ST6GALNAC3: variants seen among roughly 807,000 people sequenced by gnomAD.
ST6GALNAC3 encodes the protein ST6 N-acetylgalactosaminide alpha-2,6-sialyltransferase 3.
In ST6GALNAC3, 25 loss-of-function variants were observed where a neutral mutation model predicts 32.7. That is an observed-to-expected ratio of 0.76 (90% CI 0.56 to 1.07). The LOEUF is 1.07. ST6GALNAC3 is among the 50% of genes least tolerant of loss of function. The pLI is 0.00. For missense variants in ST6GALNAC3, 355 were observed against 382.4 expected (o/e 0.93, Z 0.60); for synonymous variants, 129 against 133.1 (o/e 0.97, Z 0.21).
At chr1:76,430,623 G>A (rs557976035) in intron 3 of ST6GALNAC3, among the ~76,000 whole-genome samples, 3 of 152,070 alleles carry the variant, frequency 2.0e-5, no homozygotes, top group East Asian at 1.9e-4. Context: ...TCCCTCCTAC[G>A]AATTCCTCAA....
chr1:76,494,975 C>G (rs1660763266), intron 3 of ST6GALNAC3, among the ~76,000 whole-genome samples: 1 of 152,098 alleles, frequency 6.6e-6, no homozygotes, highest in African/African-American at 2.4e-5. Context: ...CAGCTCAAGG[C>G]AGTCAGGCAG....
intron 1 of ST6GALNAC3, among the ~76,000 whole-genome samples, chr1:76,193,993 G>A (rs1306800177): frequency 6.6e-6 from 1 of 152,056 alleles, no homozygotes; most frequent in Non-Finnish European, 1.5e-5. Context: ...AGCCACACTG[G>A]AGGTCAGGAC....
chr1:76,299,324 A>G (rs1394186394), intron 1 of ST6GALNAC3, among the ~76,000 whole-genome samples: 2 of 152,016 alleles, frequency 1.3e-5, no homozygotes, highest in African/African-American at 4.8e-5. Context: ...AGATTCTTGT[A>G]TATTTTCTAG....
intron 1 of ST6GALNAC3, among the ~76,000 whole-genome samples, chr1:76,259,703 T>C (rs1658115823): frequency 6.6e-6 from 1 of 152,192 alleles, no homozygotes; most frequent in Admixed American, 6.5e-5. Context: ...CTTCTCTCTA[T>C]TAGTATATAA....
chr1:76,089,871 G>A (rs1465358294), intron 1 of ST6GALNAC3, among the ~76,000 whole-genome samples: 1 of 151,404 alleles, frequency 6.6e-6, no homozygotes, highest in Non-Finnish European at 1.5e-5. Context: ...TGTGGCAGAT[G>A]AACTAATCAT....
intron 3 of ST6GALNAC3, among the ~76,000 whole-genome samples, chr1:76,619,767 G>T (rs923957176): frequency 1.3e-5 from 2 of 152,102 alleles, no homozygotes; most frequent in Non-Finnish European, 2.9e-5. Context: ...GTCTGTACCA[G>T]GTTAGGGGAT....
chr1:76,306,683 G>A lies in ST6GALNAC3; in HGVS notation c.19-7122G>A, dbSNP rs1195126818. On this transcript the variant is annotated intron_variant, in intron 1 of 4. Coordinates refer to ENST00000328299, the MANE Select transcript of ST6GALNAC3 (RefSeq NM_152996.4). ...TCCCAAAGGAGTTTTTTTTTTTGGGGGGCGGGGGGTGCAGACATTATTGAG... is the reference window on the plus strand; with the variant it reads ...TCCCAAAGGAGTTTTTTTTTTTGGGAGGCGGGGGGTGCAGACATTATTGAG... Among the ~76,000 whole-genome samples, 24 of 146,684 alleles carry A rather than the reference G, an allele frequency of 1.6e-4. No individual in the cohort carries two copies. In the East Asian group the frequency reaches 4.3e-3, roughly 27 times the overall value.
intron 3 of ST6GALNAC3, among the ~76,000 whole-genome samples, chr1:76,548,644 G>T (rs755516448): frequency 1.3e-5 from 2 of 152,090 alleles, no homozygotes; most frequent in Non-Finnish European, 2.9e-5. Flanking sequence ...ACTGTGTCAC[G>T]TGCAAGATAG....
At chr1:76,075,486 C>G (rs1264020009) in intron 1 of ST6GALNAC3, among the ~76,000 whole-genome samples, 3 of 152,208 alleles carry the variant, frequency 2.0e-5, no homozygotes, top group Non-Finnish European at 4.4e-5. Context: ...CTCTCACTCT[C>G]TTTATGCTCA....
At chr1:76,466,508 A>G (rs35592911) in intron 3 of ST6GALNAC3, among the ~76,000 whole-genome samples, 5,535 of 152,152 alleles carry the variant, frequency 0.036, 156 homozygotes, top group Non-Finnish European at 0.052. Context: ...TGCTGCTACA[A>G]TGTTGGTGAA....
intron 3 of ST6GALNAC3, among the ~76,000 whole-genome samples, chr1:76,542,681 A>T (rs900610080): frequency 1.7e-4 from 26 of 152,150 alleles, no homozygotes; most frequent in Admixed American, 5.2e-4. Context: ...ATTCAGTTGC[A>T]CCCATTGTAA....
chr1:76,379,411 C>A (rs1002057028), intron 2 of ST6GALNAC3, among the ~76,000 whole-genome samples: 1 of 152,264 alleles, frequency 6.6e-6, no homozygotes, highest in East Asian at 1.9e-4. Context: ...ACCTCATCTC[C>A]CATTGAACAA....
intron 3 of ST6GALNAC3, among the ~76,000 whole-genome samples, chr1:76,522,773 G>A (rs991937616): frequency 2.0e-5 from 3 of 152,162 alleles, no homozygotes; most frequent in Non-Finnish European, 2.9e-5. Flanking sequence ...GAATTAAAGC[G>A]GTGATCAGAT....
chr1:76,124,671 C>T (rs1261964571), intron 1 of ST6GALNAC3, among the ~76,000 whole-genome samples: 2 of 152,186 alleles, frequency 1.3e-5, no homozygotes, highest in East Asian at 3.8e-4. Flanking sequence ...CCCTAACTGT[C>T]CCAGTCTTTC....
chr1:76,118,968 G>T (rs184985627), intron 1 of ST6GALNAC3, among the ~76,000 whole-genome samples: 2 of 152,064 alleles, frequency 1.3e-5, no homozygotes, highest in Admixed American at 1.3e-4. Context: ...GATTACAGGC[G>T]TGCGCCACCA....
At chr1:76,560,158 T>C (rs1665163197) in intron 3 of ST6GALNAC3, among the ~76,000 whole-genome samples, 1 of 152,134 alleles carries the variant, frequency 6.6e-6, no homozygotes, top group Non-Finnish European at 1.5e-5. Context: ...CTAGACCCCC[T>C]ATCTCTCACC....
rs939007962 is a variant in ST6GALNAC3 at position 76,629,017 on chromosome 1, G to A, written c.*211G>A. On this transcript the variant is annotated 3_prime_UTR_variant, in exon 5 of 5. Coordinates refer to ENST00000328299, the MANE Select transcript of ST6GALNAC3 (RefSeq NM_152996.4). ...GGTTGTGCTCATGATGTTCTTTCTG[G>A]AGGTTCAACACTACGTACCGCACTT... is the stretch of plus-strand genomic sequence containing the variant. 9 of 1,371,614 alleles carry A rather than the reference G, an allele frequency of 6.6e-6. No individual in the cohort carries two copies. In the African/African-American group the frequency reaches 1.2e-4, roughly 18 times the overall value. 85.0% of individuals were successfully genotyped at this position (1,371,614 alleles called of 1,614,324 possible).
intron 1 of ST6GALNAC3, among the ~76,000 whole-genome samples, chr1:76,266,830 G>C (rs1570630429): frequency 6.6e-6 from 1 of 152,168 alleles, no homozygotes. Flanking sequence ...TGTCTCTCCA[G>C]CCATGTGTTA....
intron 3 of ST6GALNAC3, among the ~76,000 whole-genome samples, chr1:76,564,207 C>A (rs527777415): frequency 1.3e-5 from 2 of 152,162 alleles, no homozygotes; most frequent in African/African-American, 2.4e-5. Context: ...CTTGTGTCAG[C>A]GCCTCTCCCT....
Sources: allele counts gnomAD v4.1 joint callset (sites outside exome capture counted in the v4.1 genomes callset), GRCh38; gene constraint gnomAD v4.1.1; transcripts MANE v1.5; gene names NCBI Gene and HGNC (gene_info 2026-07-23, HGNC 2026-07-21).